Variants in TRIM71 observed in about 807,000 individuals in gnomAD.
The protein encoded by TRIM71 is tripartite motif containing 71, also known as E3 ubiquitin-protein ligase TRIM71.
TRIM71 carries 9 observed loss-of-function variants against 61.2 expected under a neutral mutation model. The observed-to-expected ratio is 0.15, with a 90% CI of 0.09 to 0.26. The LOEUF is 0.26. Ranked by LOEUF, TRIM71 falls within the 10% of genes least tolerant of loss-of-function variation. The pLI, the probability that TRIM71 is intolerant of heterozygous loss-of-function variation, is 1.00. For missense variants in TRIM71, 998 were observed against 1,238.7 expected (o/e 0.81, Z 2.92); for synonymous variants, 645 against 553.2 (o/e 1.17, Z -2.33).
At chr3:32,877,005 G>C (rs1575357472) in intron 2 of TRIM71, among the ~76,000 whole-genome samples, 2 of 152,102 alleles carry the variant, frequency 1.3e-5, no homozygotes, top group East Asian at 3.9e-4. Context: ...AGATCATGGG[G>C]CATTTTGGGT....
intron 3 of TRIM71, among the ~76,000 whole-genome samples, chr3:32,888,091 T>TTA (rs1696980557): frequency 1.3e-5 from 2 of 152,132 alleles, no homozygotes; most frequent in African/African-American, 4.8e-5. Context: ...AAAACAAAAT[T>TTA]CCATATTTCT....
intron 1 of TRIM71, 85 bp from the exon 2 acceptor site, chr3:32,873,733 G>A: frequency 7.6e-7 from 1 of 1,318,386 alleles, no homozygotes; most frequent in Non-Finnish European, 1.0e-6. Context: ...GTTCGGTTGT[G>A]AGAGCCAGGG....
chr3:32,874,070 T>A, intron 2 of TRIM71, 85 bp downstream of exon 2: 1 of 1,433,092 alleles, frequency 7.0e-7, no homozygotes, highest in East Asian at 2.3e-5. Flanking sequence ...ATTGGGCAGA[T>A]TCCAGTGTGG....
intron 1 of TRIM71, among the ~76,000 whole-genome samples, chr3:32,846,379 C>G (rs1296410240): frequency 2.0e-5 from 3 of 152,112 alleles, no homozygotes; most frequent in Admixed American, 6.5e-5. Flanking sequence ...CTGGCCACCA[C>G]TTCTTATTTT....
chr3:32,897,280 G>C lies in TRIM71; in HGVS notation c.*5469G>C, dbSNP rs1697089317. 6.6e-6 allele frequency: 1 copy of C among 151,734 alleles called. No homozygotes were observed. The highest frequency in any genetic ancestry group is 6.6e-5 in the Admixed American group (1 of 15,226). The allele number at this position is 151,734 out of a possible 1,614,324, so 9.4% of individuals were successfully genotyped here. A position where few individuals can be genotyped will look rare whatever the true frequency, so the allele number is the denominator to read the frequency against. ...ATGACTAAGTTAAACCTCTTAATTT[G>C]TATTTGTCCAAGGCAGACATGATAT... On this transcript the variant is annotated 3_prime_UTR_variant, in exon 4 of 4. Coordinates refer to ENST00000383763, the MANE Select transcript of TRIM71 (RefSeq NM_001039111.3).
chr3:32,882,186 T>C (rs562201028), intron 2 of TRIM71, among the ~76,000 whole-genome samples: 40 of 152,232 alleles, frequency 2.6e-4, no homozygotes, highest in African/African-American at 8.4e-4. Flanking sequence ...GGTCTTTTTT[T>C]TTCTTCTAAC....
At position 32,889,370 on chromosome 3, in the gene TRIM71, T is replaced by C. The variant is rs181050123; in HGVS notation, c.1156-990T>C. On this transcript the variant is annotated intron_variant, in intron 3 of 3. Transcript: ENST00000383763. ...ATGGCACACTACAGACTCAGCCTCCTAGGCTCAAGTGATTCTTCCACCTCA... is the reference window on the plus strand; with the variant it reads ...ATGGCACACTACAGACTCAGCCTCCCAGGCTCAAGTGATTCTTCCACCTCA... Among the ~76,000 whole-genome samples, 148 of 152,240 alleles carry C rather than the reference T, an allele frequency of 9.7e-4. 1 individual carries two copies. Among genetic ancestry groups the C allele is most frequent in the Admixed American group, 2.7e-3 (42 of 15,298 alleles).
chr3:32,853,601 G>A (rs1004458605), intron 1 of TRIM71, among the ~76,000 whole-genome samples: 7 of 152,196 alleles, frequency 4.6e-5, no homozygotes, highest in Middle Eastern at 3.2e-3. Flanking sequence ...TAGCTTGCAA[G>A]TGTTTTTACT....
chr3:32,880,935 C>A (rs891857429), intron 2 of TRIM71, among the ~76,000 whole-genome samples: 1 of 152,008 alleles, frequency 6.6e-6, no homozygotes, highest in African/African-American at 2.4e-5. Context: ...ATTTTACATA[C>A]AACTAACAAA....
chr3:32,841,395 T>C (rs1175710592), intron 1 of TRIM71, among the ~76,000 whole-genome samples: 1 of 151,930 alleles, frequency 6.6e-6, no homozygotes, highest in African/African-American at 2.4e-5. Flanking sequence ...CTAGGTATCT[T>C]TACCTAGTGA....
rs1340240845 is a variant in TRIM71, at chr3:32,818,206, G to C, written c.126G>C (p.Ser42=). The C allele has an allele frequency of 1.3e-6, 2 of 1,559,964 alleles. No individual in the cohort carries two copies. Among genetic ancestry groups the C allele is most frequent in the Non-Finnish European group, 1.7e-6 (2 of 1,158,464 alleles). The change falls in exon 1 of 4, where the codon TCG becomes TCC. Residue 42 remains serine, a synonymous_variant. Transcript: ENST00000383763. ...CCTCCTCGCAGACGTCCACGTCGTC[G>C]GGGGGCGGCGGCGGGGGCCCTGGGG... ...SSSSSQTSTS[S]GGGGGGPGAA...
intron 1 of TRIM71, among the ~76,000 whole-genome samples, chr3:32,824,984 G>A (rs1160479071): frequency 5.9e-5 from 9 of 151,946 alleles, no homozygotes; most frequent in Non-Finnish European, 1.3e-4. Context: ...TAGTGGAGAC[G>A]GTGTTTCACC....
intron 2 of TRIM71, among the ~76,000 whole-genome samples, chr3:32,877,350 T>C (rs1233515545): frequency 6.6e-6 from 1 of 152,004 alleles, no homozygotes; most frequent in Non-Finnish European, 1.5e-5. Flanking sequence ...ATGATCCACC[T>C]GCCTCGGCTT....
At chr3:32,860,365 A>T (rs2125684843) in intron 1 of TRIM71, among the ~76,000 whole-genome samples, 1 of 152,116 alleles carries the variant, frequency 6.6e-6, no homozygotes, top group East Asian at 1.9e-4. Flanking sequence ...CGCTGTGGCC[A>T]GGCCGGTCTC....
chr3:32,836,254 C>T (rs940464000), intron 1 of TRIM71, among the ~76,000 whole-genome samples: 2 of 150,878 alleles, frequency 1.3e-5, no homozygotes, highest in Non-Finnish European at 3.0e-5. Flanking sequence ...TTATTGCCAT[C>T]AATCTAATGA....
intron 1 of TRIM71, among the ~76,000 whole-genome samples, chr3:32,854,409 A>G (rs1381435988): frequency 6.6e-6 from 1 of 152,188 alleles, no homozygotes; most frequent in Non-Finnish European, 1.5e-5. Flanking sequence ...GACATTGCTT[A>G]GGCTGTTCAG....
Position 32,833,184 on chromosome 3 carries a change from T to TAAAAAAAAAAAAAAAAAAA in TRIM71, c.852+14262_852+14280dup, listed in dbSNP as rs1182178339. ...GGTGACAAGAATGAAACTCTGTCTTTAAAAAAAAAAAAAAAAAAAAAAAAA... is the reference window on the plus strand; with the variant it reads ...GGTGACAAGAATGAAACTCTGTCTTTAAAAAAAAAAAAAAAAAAAAAAAAAAAAAAAAAAAAAAAAAAAA... On this transcript the variant is annotated intron_variant, in intron 1 of 3. Transcript: ENST00000383763. Among the ~76,000 whole-genome samples, 44 of 54,426 alleles carry TAAAAAAAAAAAAAAAAAAA rather than the reference T, an allele frequency of 8.1e-4. 2 individuals are homozygous for TAAAAAAAAAAAAAAAAAAA. The highest frequency in any genetic ancestry group is 1.7e-3 in the East Asian group (2 of 1,158). The allele number at this position is 54,426 out of a possible 152,430, so 35.7% of individuals were successfully genotyped here.
At chr3:32,830,985 A>AT (rs140402145) in intron 1 of TRIM71, among the ~76,000 whole-genome samples, 1,656 of 151,842 alleles carry the variant, frequency 0.011, 26 homozygotes, top group African/African-American at 0.038. Flanking sequence ...TAATTGTGAT[A>AT]TTTTTTAGCA....
intron 1 of TRIM71, among the ~76,000 whole-genome samples, chr3:32,830,309 C>T (rs766027437): frequency 3.7e-4 from 56 of 152,148 alleles, no homozygotes; most frequent in Non-Finnish European, 8.8e-5. Context: ...CATAAATGGG[C>T]TCTGGTCTCT....
Sources: gnomAD v4.1 joint callset for allele counts (sites outside exome capture counted in the v4.1 genomes callset) on GRCh38, gnomAD v4.1.1 for gene constraint, MANE v1.5 for transcripts, NCBI Gene and HGNC (gene_info 2026-07-23, HGNC 2026-07-21) for gene names.